The following SEC62 variants were observed in gnomAD, a reference collection of about 807,000 sequenced individuals.
SEC62 encodes the protein SEC62 preprotein translocation factor.
Under a neutral mutation model 47.5 loss-of-function variants are expected in SEC62, and 10 were observed. The observed-to-expected ratio is 0.21, with a 90% CI of 0.13 to 0.36. SEC62 has a LOEUF of 0.36. Ranked by LOEUF, SEC62 falls within the 10% of genes least tolerant of loss-of-function variation. The pLI, the probability that SEC62 is intolerant of heterozygous loss-of-function variation, is 1.00. For synonymous variants in SEC62, 136 were observed against 150.5 expected (o/e 0.90, Z 0.71); for missense variants, 327 against 464.1 (o/e 0.70, Z 2.71).
At chr3:169,975,905 C>G (rs1714824348) in intron 2 of SEC62, among the ~76,000 whole-genome samples, 189 bp downstream of exon 2, 3 of 152,110 alleles carry the variant, frequency 2.0e-5, no homozygotes, top group Admixed American at 2.0e-4. Context: ...AACATGTTTT[C>G]TAATAACAAT....
chr3:169,995,086 T>G lies in SEC62; in HGVS notation c.*2023T>G, dbSNP rs1294771221. ...CAAATATAAAAATCAAAAGGCTGCC[T>G]CTATTACAATCCTCAGTGGAATAGA... is the stretch of plus-strand genomic sequence containing the variant. On this transcript the variant is annotated 3_prime_UTR_variant, in exon 8 of 8. Transcript: ENST00000337002. The G allele has an allele frequency of 6.6e-6, 1 of 152,210 alleles. No individual in the cohort carries two copies. Among genetic ancestry groups the G allele is most frequent in the Non-Finnish European group, 1.5e-5 (1 of 68,012 alleles). 9.4% of individuals were successfully genotyped at this position (152,210 alleles called of 1,614,324 possible).
intron 7 of SEC62, among the ~76,000 whole-genome samples, chr3:169,990,633 T>C (rs1715228853): frequency 6.6e-6 from 1 of 152,192 alleles, no homozygotes; most frequent in South Asian, 2.1e-4. Flanking sequence ...GTAAAACCTA[T>C]CATTGCATCA....
At chr3:169,969,291 A>G in intron 1 of SEC62, 2 of 456,474 alleles carry the variant, frequency 4.4e-6, no homozygotes, top group Middle Eastern at 3.3e-4. Flanking sequence ...ATTCAGTATA[A>G]TTTCAGATTC....
At chr3:169,971,044 C>T (rs183906971) in intron 1 of SEC62, among the ~76,000 whole-genome samples, 2 of 151,000 alleles carry the variant, frequency 1.3e-5, no homozygotes, top group East Asian at 3.9e-4. Flanking sequence ...GTAATCCCAA[C>T]TATCTGTTCA....
rs1344302343 is a variant in SEC62, at chr3:169,992,265, A to T, written c.731-329A>T. ...TAATTTTTTTCAGTGACATTATTGC[A>T]TTGTGACCTCAAGTTCAGAGCAACA... is the stretch of plus-strand genomic sequence containing the variant. On this transcript the variant is annotated intron_variant, in intron 7 of 7. Coordinates refer to ENST00000337002, the MANE Select transcript of SEC62 (RefSeq NM_003262.4). This position sits in a 1 kb window ranked among gnomAD's most constrained non-coding sequence, Gnocchi z 4.0. 6.6e-6 allele frequency among the ~76,000 whole-genome samples: 1 copy of T among 152,158 alleles called. No individual in the cohort carries two copies. The highest frequency in any genetic ancestry group is 1.5e-5 in the Non-Finnish European group (1 of 68,022).
Position 169,988,231 on chromosome 3 carries a change from T to C in SEC62, c.611-9T>C, listed in dbSNP as rs761087343. ...TCTAAAATTTAACTTTTGTCATTTC[T>C]TGTTCCAGTGATTGCAGTAATAGCG... On this transcript the variant is annotated splice_polypyrimidine_tract_variant and intron_variant, in intron 6 of 7. Transcript: ENST00000337002. 1 of 1,613,476 alleles carries C rather than the reference T, an allele frequency of 6.2e-7. No individual in the cohort carries two copies. Among genetic ancestry groups the C allele is most frequent in the Non-Finnish European group, 8.5e-7 (1 of 1,179,518 alleles).
rs917470567 is a variant in SEC62 at position 169,982,671 on chromosome 3, A to G, written c.252-36A>G. 3.1e-6 allele frequency: 5 copies of G among 1,598,200 alleles called. No individual in the cohort carries two copies. The African/African-American group carries it at 6.7e-5, about 21-fold the overall frequency. On this transcript the variant is annotated intron_variant, in intron 3 of 7. Transcript: ENST00000337002. ...TTTTTGCTTTTCAGTCTCTATCTAT[A>G]TGGGGAGTGTAATGCCATACCTGTT... is the stretch of plus-strand genomic sequence containing the variant.
chr3:169,990,729 A>G (rs533424601), intron 7 of SEC62, among the ~76,000 whole-genome samples: 8 of 152,226 alleles, frequency 5.3e-5, no homozygotes, highest in Non-Finnish European at 1.2e-4. Flanking sequence ...AATTTTAAGC[A>G]TATTTACCTT....
chr3:169,969,314 G>GAAGTTTCT, intron 1 of SEC62: 1 of 456,390 alleles, frequency 2.2e-6, no homozygotes, highest in Non-Finnish European at 4.4e-6. Context: ...GTGTCCCATC[G>GAAGTTTCT]AAGTTTCTAG....
Position 169,997,576 on chromosome 3 carries a change from C to T in SEC62, c.*4513C>T. ...CGCCTCCTGAGGTTCAAGTGATCCT[C>T]CTGCCTCAGCCTCCCAAGTAGCTGG... On this transcript the variant is annotated 3_prime_UTR_variant, in exon 8 of 8. Transcript: ENST00000337002. The T allele has an allele frequency of 6.6e-6, 1 of 152,412 alleles. No individual in the cohort carries two copies. The highest frequency in any genetic ancestry group is 1.5e-5 in the Non-Finnish European group (1 of 68,108). The allele number at this position is 152,412 out of a possible 1,614,324, so 9.4% of individuals were successfully genotyped here.
chr3:169,992,808 T>C lies in SEC62; in HGVS notation c.945T>C (p.Ser315=). 6.2e-7 allele frequency: 1 copy of C among 1,612,402 alleles called. No individual in the cohort carries two copies. Among genetic ancestry groups the C allele is most frequent in the Non-Finnish European group, 8.5e-7 (1 of 1,179,620 alleles). Residue 315 remains serine (S), a synonymous_variant, in exon 8 of 8, where the codon AGT becomes AGC. Coordinates refer to ENST00000337002, the MANE Select transcript of SEC62 (RefSeq NM_003262.4). This position sits in a 1 kb window ranked among gnomAD's most constrained non-coding sequence, Gnocchi z 4.0. ...CCGACAGTGAGGAAAAGTCAGACAGTGAGAAAAAGGAAGATGAGGAGGGGA... is the reference window on the plus strand; with the variant it reads ...CCGACAGTGAGGAAAAGTCAGACAGCGAGAAAAAGGAAGATGAGGAGGGGA... ...QKSDSEEKSD[S]EKKEDEEGKV...
chr3:169,975,280 CA>C (rs5854360), intron 1 of SEC62, among the ~76,000 whole-genome samples: 1,044 of 70,618 alleles, frequency 0.015, 1 homozygote, highest in African/African-American at 0.041. Context: ...GACTCCATCT[CA>C]AAAAAAAAAA....
At chr3:169,988,124 A>T in intron 6 of SEC62, 116 bp from the exon 7 acceptor site, 1 of 1,172,702 alleles carries the variant, frequency 8.5e-7, no homozygotes. Flanking sequence ...TGGCAATTTT[A>T]TATTTCACTG....
At chr3:169,966,952 CGAG>C in intron 1 of SEC62, 94 bp downstream of exon 1, 1 of 148,968 alleles carries the variant, frequency 6.7e-6, no homozygotes, top group Non-Finnish European at 1.5e-5. Flanking sequence ...AAAGCAAGGG[CGAG>C]GTGGGGTGGG....
At chr3:169,971,769 A>G (rs544843103) in intron 1 of SEC62, among the ~76,000 whole-genome samples, 34 of 152,320 alleles carry the variant, frequency 2.2e-4, no homozygotes, top group Admixed American at 1.8e-3. Flanking sequence ...CAGGTTTTAC[A>G]TGTGATGCCT....
At position 169,972,797 on chromosome 3, in the gene SEC62, G is replaced by A. The variant is rs73043933; in HGVS notation, c.37-2811G>A. 1.9e-3 allele frequency among the ~76,000 whole-genome samples: 295 copies of A among 152,154 alleles called. 2 individuals carry two copies. Among genetic ancestry groups the A allele is most frequent in the African/African-American group, 6.5e-3 (269 of 41,478 alleles). The stretch of plus-strand genomic sequence containing the variant: ...GAAATAATAATTACTGCTTCTAACA[G>A]TTATGTAACAGAGTGTACATATCAT... On this transcript the variant is annotated intron_variant, in intron 1 of 7. Coordinates refer to ENST00000337002, the MANE Select transcript of SEC62 (RefSeq NM_003262.4).
At chr3:169,985,571 A>G in intron 5 of SEC62, 1 of 372,484 alleles carries the variant, frequency 2.7e-6, no homozygotes, top group South Asian at 5.6e-5. Context: ...GTAAGAACAT[A>G]CAAATTTACT....
chr3:169,974,758 A>G (rs1241346814), intron 1 of SEC62, among the ~76,000 whole-genome samples: 1 of 152,200 alleles, frequency 6.6e-6, no homozygotes, highest in Non-Finnish European at 1.5e-5. Context: ...AAGGAAAGAG[A>G]ATACAAATTG....
intron 3 of SEC62, among the ~76,000 whole-genome samples, chr3:169,979,681 C>T (rs764815243): frequency 3.9e-5 from 6 of 152,172 alleles, no homozygotes; most frequent in Non-Finnish European, 5.9e-5. Flanking sequence ...CTTCCTCTAC[C>T]GAATGTACTC....
Sources: gnomAD v4.1 joint callset for allele counts (sites outside exome capture counted in the v4.1 genomes callset) on GRCh38, gnomAD v4.1.1 for gene constraint, Gnocchi (gnomAD v3.1) non-coding constraint, MANE v1.5 for transcripts, NCBI Gene and HGNC (gene_info 2026-07-23, HGNC 2026-07-21) for gene names.